Variants in DNAJC18 observed in about 807,000 individuals in gnomAD.
DNAJC18 encodes DnaJ heat shock protein family (Hsp40) member C18.
DNAJC18 carries 40 observed loss-of-function variants against 48.6 expected under a neutral mutation model. The observed-to-expected ratio is 0.82, with a 90% CI of 0.64 to 1.07. The LOEUF is 1.07. DNAJC18 is among the 50% of genes least tolerant of loss of function. The pLI is 0.00. For synonymous variants in DNAJC18, 135 were observed against 152.2 expected (o/e 0.89, Z 0.83); for missense variants, 340 against 427.7 (o/e 0.79, Z 1.81).
At chr5:139,426,940 A>T (rs996823987) in intron 3 of DNAJC18, among the ~76,000 whole-genome samples, 1 of 152,182 alleles carries the variant, frequency 6.6e-6, no homozygotes, top group Non-Finnish European at 1.5e-5. Context: ...GACTAGTCTC[A>T]GATTCCTGGC....
intron 6 of DNAJC18, among the ~76,000 whole-genome samples, chr5:139,421,242 G>A (rs995344918): frequency 2.0e-5 from 3 of 152,258 alleles, no homozygotes; most frequent in East Asian, 1.9e-4. Flanking sequence ...GAGGTCAGGC[G>A]TTCGAGACCA....
intron 7 of DNAJC18, 131 bp from the exon 8 acceptor site, chr5:139,414,403 G>A (rs1050341872): frequency 1.5e-6 from 2 of 1,329,956 alleles, no homozygotes; most frequent in South Asian, 1.6e-5. Flanking sequence ...GAAACATTTA[G>A]TCATTTATTC....
chr5:139,436,293 C>A (rs1224445733), intron 2 of DNAJC18, among the ~76,000 whole-genome samples: 4 of 150,332 alleles, frequency 2.7e-5, no homozygotes, highest in Non-Finnish European at 5.9e-5. Flanking sequence ...TGCTGTGTTG[C>A]CCAGGCTGGT....
intron 5 of DNAJC18, among the ~76,000 whole-genome samples, chr5:139,423,963 T>C (rs1408497460): frequency 6.6e-6 from 1 of 152,142 alleles, no homozygotes; most frequent in African/African-American, 2.4e-5. Flanking sequence ...GCCCAGACTG[T>C]GCCTCTTACA....
At chr5:139,437,304 T>C in intron 2 of DNAJC18, 68 bp downstream of exon 2, 2 of 1,501,316 alleles carry the variant, frequency 1.3e-6, no homozygotes, top group Non-Finnish European at 8.9e-7. Flanking sequence ...AATACTTACA[T>C]AGCACATCCA....
At position 139,412,678 on chromosome 5, in the gene DNAJC18, G is replaced by C. The variant is rs1368479829; in HGVS notation, c.*1470C>G. ...TAATTCAGGCAGCTCAGCTCCACAG[G>C]AAGGCCCAGAACCACACAGCCCAGG... On this transcript the variant is annotated 3_prime_UTR_variant, in exon 8 of 8. Coordinates refer to ENST00000302060, the MANE Select transcript of DNAJC18 (RefSeq NM_152686.4). 1 of 398,598 alleles carries C rather than the reference G, an allele frequency of 2.5e-6. No homozygotes were observed. Among genetic ancestry groups the C allele is most frequent in the East Asian group, 3.6e-5 (1 of 28,094 alleles). The allele number at this position is 398,598 out of a possible 1,614,324, so 24.7% of individuals were successfully genotyped here. A position where few individuals can be genotyped will look rare whatever the true frequency, so the allele number is the denominator to read the frequency against.
At chr5:139,420,292 C>T (rs1351233205) in intron 6 of DNAJC18, 67 bp from the exon 7 acceptor site, 1 of 1,430,284 alleles carries the variant, frequency 7.0e-7, no homozygotes, top group East Asian at 2.5e-5. Flanking sequence ...TAGCACTGCC[C>T]TCACAGATAT....
rs1759034582 is a variant in DNAJC18 at position 139,414,075 on chromosome 5, T to C, written c.*73A>G. 1 of 1,564,120 alleles carries C rather than the reference T, an allele frequency of 6.4e-7. No individual in the cohort carries two copies. The highest frequency in any genetic ancestry group is 8.6e-7 in the Non-Finnish European group (1 of 1,159,094). On this transcript the variant is annotated 3_prime_UTR_variant, in exon 8 of 8. Transcript: ENST00000302060. The stretch of plus-strand genomic sequence containing the variant: ...GTGTTCATCATTACCTAGTTTTGTA[T>C]TATAAAATGGAATCAGGAACATAAA...
chr5:139,418,139 TAC>T (rs1165620996), intron 7 of DNAJC18, among the ~76,000 whole-genome samples: 1 of 152,166 alleles, frequency 6.6e-6, no homozygotes, highest in Non-Finnish European at 1.5e-5. Context: ...TTTCAGGACA[TAC>T]ACTGGCTTTC....
chr5:139,418,361 C>T (rs1424149357), intron 7 of DNAJC18, among the ~76,000 whole-genome samples: 1 of 152,124 alleles, frequency 6.6e-6, no homozygotes, highest in Non-Finnish European at 1.5e-5. Context: ...AGGCTGGTCT[C>T]AAACTCCTGG....
rs575774771 is a variant in DNAJC18 at position 139,421,231 on chromosome 5, G to A, written c.780-1006C>T. Among the ~76,000 whole-genome samples the A allele has an allele frequency of 7.3e-4, 110 of 151,514 alleles. 4 individuals carry two copies. In the South Asian group the frequency reaches 0.022, roughly 30 times the overall value. On this transcript the variant is annotated intron_variant, in intron 6 of 7. Coordinates refer to ENST00000302060, the MANE Select transcript of DNAJC18 (RefSeq NM_152686.4). ...AGCACTTTGGGAGGCCAAGAAAGGT[G>A]GAGGTCAGGCGTTCGAGACCAGCCC...
chr5:139,429,219 G>C lies in DNAJC18; in HGVS notation c.228-536C>G, dbSNP rs189426242. 2.9e-3 allele frequency among the ~76,000 whole-genome samples: 443 copies of C among 151,766 alleles called. 15 individuals are homozygous for C. The highest frequency in any genetic ancestry group is 0.024 in the Admixed American group (372 of 15,194). ...CTGCCTCAGCCTCCCGAGTAGCTGAGATTACAGGGATGCGCCACCAGCCCT... is the reference window on the plus strand; with the variant it reads ...CTGCCTCAGCCTCCCGAGTAGCTGACATTACAGGGATGCGCCACCAGCCCT... On this transcript the variant is annotated intron_variant, in intron 2 of 7. Coordinates refer to ENST00000302060, the MANE Select transcript of DNAJC18 (RefSeq NM_152686.4).
intron 7 of DNAJC18, among the ~76,000 whole-genome samples, chr5:139,414,708 T>C (rs1759046413): frequency 6.6e-6 from 1 of 152,238 alleles, no homozygotes; most frequent in Non-Finnish European, 1.5e-5. Context: ...ATAACTCACA[T>C]GTGCGAAGGC....
chr5:139,437,629 C>G, intron 1 of DNAJC18, 71 bp from the exon 2 acceptor site: 1 of 1,518,268 alleles, frequency 6.6e-7, no homozygotes, highest in East Asian at 2.3e-5. Context: ...TGCCTTTCCT[C>G]TCTGGGAGGC....
intron 2 of DNAJC18, among the ~76,000 whole-genome samples, chr5:139,436,016 G>A (rs945729738): frequency 6.6e-6 from 1 of 151,332 alleles, no homozygotes; most frequent in Non-Finnish European, 1.5e-5. Context: ...GAGTCACCAT[G>A]TCCAGCTAGA....
chr5:139,415,247 C>T (rs1581412164), intron 7 of DNAJC18, among the ~76,000 whole-genome samples: 1 of 152,254 alleles, frequency 6.6e-6, no homozygotes, highest in East Asian at 1.9e-4. Flanking sequence ...ACGAAAGACA[C>T]CTGTCTGATT....
intron 2 of DNAJC18, among the ~76,000 whole-genome samples, chr5:139,428,895 T>C (rs980111061): frequency 2.6e-5 from 4 of 152,064 alleles, no homozygotes; most frequent in Non-Finnish European, 4.4e-5. Context: ...CATCTACTAT[T>C]TACTCTTCCT....
intron 2 of DNAJC18, 134 bp downstream of exon 2, chr5:139,437,238 G>A: frequency 8.9e-7 from 1 of 1,122,608 alleles, no homozygotes; most frequent in African/African-American, 1.6e-5. Context: ...TCTTCCCTCT[G>A]AGGTCAAGAA....
chr5:139,439,419 C>G lies in DNAJC18; in HGVS notation c.27G>C (p.Glu9Asp), dbSNP rs1750745378. 1 of 1,613,844 alleles carries G rather than the reference C, an allele frequency of 6.2e-7. No homozygotes were observed. Among genetic ancestry groups the G allele is most frequent in the Admixed American group, 1.7e-5 (1 of 60,014 alleles). ...GGGACCTAGTACCTTCCGTCCAGCG[C>G]TCCCCGCTGCCCAGAGTCGCCGCCA... MAATLGSG[E>D]RWTEAYIDAV... The change falls in exon 1 of 8, where the codon GAG (glutamate) becomes GAC (aspartate). Residue 9 changes from glutamate to aspartate, a missense_variant. Coordinates refer to ENST00000302060, the MANE Select transcript of DNAJC18 (RefSeq NM_152686.4). The surrounding 1 kb of genome is among the most constrained non-coding windows in gnomAD (Gnocchi z 4.1).
Sources: gnomAD v4.1 joint callset for allele counts (sites outside exome capture counted in the v4.1 genomes callset) on GRCh38, gnomAD v4.1.1 for gene constraint, Gnocchi (gnomAD v3.1) non-coding constraint, MANE v1.5 for transcripts, NCBI Gene and HGNC (gene_info 2026-07-23, HGNC 2026-07-21) for gene names.